The following IFI6 variants were observed in gnomAD, a reference collection of about 807,000 sequenced individuals.
The protein encoded by IFI6 is interferon alpha inducible protein 6, also known as interferon alpha-inducible protein 6.
A neutral mutation model predicts 12.7 loss-of-function variants in IFI6; 10 were observed. The ratio of observed to expected loss-of-function variants is 0.79; its 90% CI spans 0.49 to 1.33. The LOEUF is 1.33. Among genes scored for constraint, IFI6 ranks in the 40% most tolerant of loss-of-function variants. The pLI, the probability that IFI6 is intolerant of heterozygous loss-of-function variation, is 0.00. For synonymous variants in IFI6, 89 were observed against 86.2 expected (o/e 1.03, Z -0.18); for missense variants, 154 against 180.4 (o/e 0.85, Z 0.84).
intron 1 of IFI6, among the ~76,000 whole-genome samples, chr1:27,671,380 T>A (rs1396355335): frequency 1.1e-5 from 1 of 93,306 alleles, no homozygotes; most frequent in Non-Finnish European, 1.8e-5. Flanking sequence ...CAAGCCCACA[T>A]TTTTTTTTTT....
Position 27,669,226 on chromosome 1 carries a change from T to A in IFI6, c.70+19A>T. On this transcript the variant is annotated intron_variant, in intron 2 of 4. Transcript: ENST00000361157. The stretch of plus-strand genomic sequence containing the variant: ...ACCCTTACCTGTCCCCTTACCTGCA[T>A]CCTTACCCGCATTCTCACCTGCCTC... The A allele has an allele frequency of 6.4e-7, 1 of 1,551,662 alleles. No homozygotes were observed. Among genetic ancestry groups the A allele is most frequent in the Non-Finnish European group, 8.7e-7 (1 of 1,146,884 alleles).
At position 27,669,373 on chromosome 1, in the gene IFI6, C is replaced by A. The variant is rs1041654079; in HGVS notation, c.-32-27G>T. The A allele has an allele frequency of 7.8e-6, 11 of 1,407,562 alleles. No homozygotes were observed. In the Admixed American group the frequency reaches 9.9e-5, roughly 13 times the overall value. The allele number at this position is 1,407,562 out of a possible 1,614,324, so 87.2% of individuals were successfully genotyped here. On this transcript the variant is annotated intron_variant, in intron 1 of 4. Transcript: ENST00000361157. Reference sequence around the variant, plus strand: ...TGCGAACGGGCGAGAGGGAGATGGTCCCCGGAGCATTTTTGGAGCTCATCA... The same window carrying A: ...TGCGAACGGGCGAGAGGGAGATGGTACCCGGAGCATTTTTGGAGCTCATCA...
In IFI6 at chr1:27,668,474, G is replaced by A. The variant is rs2090371837; in HGVS notation, c.132C>T (p.Phe44=). Residue 44 remains phenylalanine, a synonymous_variant, in exon 3 of 5, where the codon TTC becomes TTT. Transcript: ENST00000361157. ...CAGACCCACCTCCTCCGACGGCCAT[G>A]AAGGTCAGGGCCTTCCAGAACCCGG... ...SGSGFWKALT[F]MAVGGGLAVA... is the part of the protein sequence containing the mutation. 1 of 1,611,538 alleles carries A rather than the reference G, an allele frequency of 6.2e-7. No homozygotes were observed. The highest frequency in any genetic ancestry group is 8.5e-7 in the Non-Finnish European group (1 of 1,178,996).
At chr1:27,667,940 G>T (rs190913726) in intron 4 of IFI6, among the ~76,000 whole-genome samples, 1 of 152,124 alleles carries the variant, frequency 6.6e-6, no homozygotes, top group Non-Finnish European at 1.5e-5. Context: ...GCGTGGTGGC[G>T]TGTGCCTGTA....
At position 27,668,257 on chromosome 1, in the gene IFI6, G is replaced by A. The variant is rs781228867; in HGVS notation, c.267C>T (p.Ala89=). The A allele has an allele frequency of 3.2e-6, 5 of 1,575,338 alleles. No individual in the cohort carries two copies. The highest frequency in any genetic ancestry group is 2.3e-5 in the East Asian group (1 of 43,358). ...TCTGCAGCGTGGCCACTAGCCCCCC[G>A]GCGGGCACGCCGCCCCCATTCAGGA... The part of the protein sequence containing the change: ...SAILNGGGVP[A]GGLVATLQSL... The change falls in exon 4 of 5, where the codon GCC becomes GCT. Residue 89 remains alanine (A), a synonymous_variant. Coordinates refer to ENST00000361157, the MANE Select transcript of IFI6 (RefSeq NM_002038.4).
At chr1:27,666,583 A>T in intron 4 of IFI6, 108 bp from the exon 5 acceptor site, 1 of 714,246 alleles carries the variant, frequency 1.4e-6, no homozygotes, top group East Asian at 2.7e-5. Context: ...AGATGGAGAA[A>T]CAGAGGCCCT....
At chr1:27,669,382 AT>A in intron 1 of IFI6, 36 bp from the exon 2 acceptor site, 1 of 1,335,138 alleles carries the variant, frequency 7.5e-7, no homozygotes, top group Non-Finnish European at 1.0e-6. Context: ...TCCCCGGAGC[AT>A]TTTTGGAGCT....
chr1:27,666,824 G>A (rs574062382), intron 4 of IFI6, among the ~76,000 whole-genome samples: 66 of 152,262 alleles, frequency 4.3e-4, no homozygotes, highest in African/African-American at 1.5e-3. Flanking sequence ...TGCCATGTGA[G>A]AGGACAACTA....
At chr1:27,672,063 A>T (rs942241831) in intron 1 of IFI6, 60 bp downstream of exon 1, 1 of 152,294 alleles carries the variant, frequency 6.6e-6, no homozygotes, top group African/African-American at 2.4e-5. Flanking sequence ...TTACAGGCAG[A>T]CAGGCAGCCT....
intron 3 of IFI6, 33 bp from the exon 4 acceptor site, chr1:27,668,408 G>A (rs762814288): frequency 1.9e-6 from 3 of 1,582,560 alleles, no homozygotes; most frequent in African/African-American, 2.7e-5. Flanking sequence ...GGGAGCGTCC[G>A]CGGCAGAGGC....
intron 4 of IFI6, 87 bp from the exon 5 acceptor site, chr1:27,666,562 CCCT>C: frequency 1.1e-6 from 1 of 891,142 alleles, no homozygotes; most frequent in Non-Finnish European, 1.8e-6. Context: ...TGAGTCCAAC[CCCT>C]TATGTCTAGA....
In IFI6 at chr1:27,666,165, C is replaced by A. The variant is rs1331235698; in HGVS notation, c.*216G>T. 4.8e-6 allele frequency: 2 copies of A among 420,882 alleles called. No homozygotes were observed. Among genetic ancestry groups the A allele is most frequent in the African/African-American group, 2.0e-5 (1 of 48,860 alleles). The allele number at this position is 420,882 out of a possible 1,614,324, so 26.1% of individuals were successfully genotyped here. On this transcript the variant is annotated 3_prime_UTR_variant, in exon 5 of 5. Transcript: ENST00000361157. ...GGCATCGTCGGCGCATGCTTGTAAT[C>A]CTACTTGGGAGGTTGAGACAGGAGG...
chr1:27,671,035 T>A (rs2090400166), intron 1 of IFI6, among the ~76,000 whole-genome samples: 1 of 152,156 alleles, frequency 6.6e-6, no homozygotes, highest in Admixed American at 6.5e-5. Flanking sequence ...TTCAAGACAG[T>A]CAGAATTCAT....
intron 1 of IFI6, chr1:27,670,152 G>A (rs1220074982): frequency 1.3e-5 from 2 of 152,132 alleles, no homozygotes; most frequent in Non-Finnish European, 2.9e-5. Flanking sequence ...TGTTTTACCT[G>A]TGTTTCTGAC....
chr1:27,669,638 C>A, intron 1 of IFI6: 1 of 367,648 alleles, frequency 2.7e-6, no homozygotes, highest in Non-Finnish European at 5.2e-6. Flanking sequence ...TGGCCTTGTA[C>A]CCAAGTGACC....
At chr1:27,669,446 C>A in intron 1 of IFI6, 100 bp from the exon 2 acceptor site, 1 of 730,408 alleles carries the variant, frequency 1.4e-6, no homozygotes, top group South Asian at 1.6e-5. Flanking sequence ...TAAAAAGCAG[C>A]GAGGTGTGGT....
In IFI6 at chr1:27,668,512, A is replaced by G; in HGVS notation, c.94T>C (p.Ser32Pro). The part of the protein sequence containing the change: ...EAGKKKCSES[S>P]DSGSGFWKAL... ...TTCCAGAACCCGGAGCCGCTGTCCG[A>G]GCTCTCCGAGCACTTTTTCTTACCT... Residue 32 changes from serine (S) to proline (P), a missense_variant, in exon 3 of 5, where the codon TCG (serine) becomes CCG (proline). Transcript: ENST00000361157. 1 of 1,607,000 alleles carries G rather than the reference A, an allele frequency of 6.2e-7. No homozygotes were observed. Among genetic ancestry groups the G allele is most frequent in the Non-Finnish European group, 8.5e-7 (1 of 1,176,698 alleles).
intron 4 of IFI6, among the ~76,000 whole-genome samples, chr1:27,667,100 G>A (rs867305407): frequency 1.4e-4 from 21 of 151,518 alleles, no homozygotes; most frequent in Middle Eastern, 3.2e-3. Context: ...GGGAAGTAAG[G>A]CCATTTTTTA....
chr1:27,670,664 A>G (rs2090397612), intron 1 of IFI6, among the ~76,000 whole-genome samples: 1 of 152,174 alleles, frequency 6.6e-6, no homozygotes, highest in Non-Finnish European at 1.5e-5. Context: ...GAGAAAGGGC[A>G]TGGAGTTTCC....
Sources: gnomAD v4.1 joint callset for allele counts (sites outside exome capture counted in the v4.1 genomes callset) on GRCh38, gnomAD v4.1.1 for gene constraint, MANE v1.5 for transcripts, NCBI Gene and HGNC (gene_info 2026-07-23, HGNC 2026-07-21) for gene names.